The following GALNT10 variants were observed in gnomAD, a reference collection of about 807,000 sequenced individuals.
GALNT10 encodes polypeptide N-acetylgalactosaminyltransferase 10, also known as GalNAc transferase 10.
Under a neutral mutation model 75.0 loss-of-function variants are expected in GALNT10, and 41 were observed. The observed-to-expected ratio is 0.55, with a 90% confidence interval of 0.43 to 0.71. GALNT10 has a LOEUF of 0.71. GALNT10 is among the 30% of genes least tolerant of loss of function. The pLI is 0.00. For missense variants in GALNT10, 727 were observed against 818.5 expected, an observed-to-expected ratio of 0.89 and a Z score of 1.36; for synonymous variants, 302 against 313.0, an observed-to-expected ratio of 0.96 and a Z score of 0.37.
chr5:154,307,357 C>G (rs1459645373), intron 3 of GALNT10, among the ~76,000 whole-genome samples: 4 of 152,092 alleles, frequency 2.6e-5, no homozygotes, highest in Non-Finnish European at 4.4e-5. Flanking sequence ...CGCCTGTAAT[C>G]CCAGCTTTGT....
intron 1 of GALNT10, among the ~76,000 whole-genome samples, chr5:154,209,356 AG>A (rs531252837): frequency 9.2e-5 from 14 of 152,244 alleles, no homozygotes; most frequent in Non-Finnish European, 2.1e-4. Flanking sequence ...AACACGTTTA[AG>A]GGCCCAGAAC....
At chr5:154,232,309 C>T (rs1030195479) in intron 1 of GALNT10, among the ~76,000 whole-genome samples, 1 of 152,160 alleles carries the variant, frequency 6.6e-6, no homozygotes, top group Non-Finnish European at 1.5e-5. Context: ...ATTATATGTG[C>T]TTTGGTTATT....
At position 154,282,728 on chromosome 5, in the gene GALNT10, C is replaced by T. The variant is rs183237694; in HGVS notation, c.160-12088C>T. ...ATAGGATAAAGTCAATCCTCAGAAC[C>T]CTTTTATGGTATTAAATCTTTGGAC... On this transcript the variant is annotated intron_variant, in intron 1 of 11. Coordinates refer to ENST00000297107, the MANE Select transcript of GALNT10 (RefSeq NM_198321.4). Among the ~76,000 whole-genome samples the T allele has an allele frequency of 4.3e-4, 65 of 152,244 alleles. 1 individual carries two copies. In the South Asian group the frequency reaches 0.012, roughly 27 times the overall value.
At position 154,338,319 on chromosome 5, in the gene GALNT10, A is replaced by C. The variant is rs1014511395; in HGVS notation, c.568+8581A>C. ...ACCACACAATCTCTGACCATTCCCC[A>C]TTGCTCAAAATGCTCAAAAATTTGA... On this transcript the variant is annotated intron_variant, in intron 4 of 11. Transcript: ENST00000297107. 3.0e-5 allele frequency: 16 copies of C among 541,550 alleles called. No homozygotes were observed. In the East Asian group the frequency reaches 4.0e-4, roughly 14 times the overall value. The allele number at this position is 541,550 out of a possible 1,614,324, so 33.5% of individuals were successfully genotyped here. A position where few individuals can be genotyped will look rare whatever the true frequency, so the allele number is the denominator to read the frequency against.
At chr5:154,383,798 A>G (rs1755768568) in intron 6 of GALNT10, among the ~76,000 whole-genome samples, 1 of 152,258 alleles carries the variant, frequency 6.6e-6, no homozygotes, top group African/African-American at 2.4e-5. Context: ...AGGGGAGCCA[A>G]TACTAATAAC....
At chr5:154,285,112 TTGAAGTAATCACAGTGCCTTC>T (rs1754093231) in intron 1 of GALNT10, among the ~76,000 whole-genome samples, 1 of 152,178 alleles carries the variant, frequency 6.6e-6, no homozygotes, top group Non-Finnish European at 1.5e-5. Context: ...GTTTCTTTGG[TTGAAGTAATCACAGTGCCTTC>T]TGAGGTAATG....
At chr5:154,363,182 TG>T (rs1755418530) in intron 4 of GALNT10, among the ~76,000 whole-genome samples, 1 of 152,092 alleles carries the variant, frequency 6.6e-6, no homozygotes, top group Non-Finnish European at 1.5e-5. Context: ...ATAAGAAGAT[TG>T]GGATATTGGG....
intron 9 of GALNT10, among the ~76,000 whole-genome samples, chr5:154,411,874 C>T (rs1016073652): frequency 6.6e-6 from 1 of 152,160 alleles, no homozygotes; most frequent in Non-Finnish European, 1.5e-5. Flanking sequence ...CATGAGACCA[C>T]AACAGTGGTC....
At chr5:154,279,047 T>G (rs945945333) in intron 1 of GALNT10, among the ~76,000 whole-genome samples, 2 of 152,218 alleles carry the variant, frequency 1.3e-5, no homozygotes, top group African/African-American at 4.8e-5. Flanking sequence ...TGCTTTCAGT[T>G]CTTTTAGATA....
intron 7 of GALNT10, among the ~76,000 whole-genome samples, chr5:154,400,166 A>G (rs1756127762): frequency 6.6e-6 from 1 of 151,968 alleles, no homozygotes; most frequent in Non-Finnish European, 1.5e-5. Flanking sequence ...AAGTGACAAA[A>G]TCATCTTAAA....
At chr5:154,239,333 A>G (rs541739657) in intron 1 of GALNT10, among the ~76,000 whole-genome samples, 2 of 152,290 alleles carry the variant, frequency 1.3e-5, no homozygotes, top group Non-Finnish European at 2.9e-5. Context: ...CGTATAAGGC[A>G]GGGGTCCCCA....
Position 154,409,695 on chromosome 5 carries a change from C to A in GALNT10, c.1319C>A (p.Thr440Lys), listed in dbSNP as rs147745456. The A allele has an allele frequency of 6.2e-7, 1 of 1,614,118 alleles. No homozygotes were observed. The highest frequency in any genetic ancestry group is 1.1e-5 in the South Asian group (1 of 91,082). Residue 440 changes from threonine (T) to lysine (K), a missense_variant, in exon 9 of 12, where the codon ACG (threonine) becomes AAG (lysine). Transcript: ENST00000297107. This position sits in a 1 kb window ranked among gnomAD's most constrained non-coding sequence, Gnocchi z 4.5. ...TGCAAGAGTTTCAAGTGGTTTATGA[C>A]GAAGATAGCCTGGGACCTGCCCAAA... is the stretch of plus-strand genomic sequence containing the variant. ...LNCKSFKWFMTKIAWDLPKFY... is the reference protein window; with the variant it reads ...LNCKSFKWFMKKIAWDLPKFY...
At chr5:154,328,177 T>C (rs1183552316) in intron 3 of GALNT10, among the ~76,000 whole-genome samples, 1 of 152,150 alleles carries the variant, frequency 6.6e-6, no homozygotes, top group African/African-American at 2.4e-5. Context: ...TGATCCTGTA[T>C]TAAACAAACC....
chr5:154,202,286 C>T (rs1264417604), intron 1 of GALNT10, among the ~76,000 whole-genome samples: 6 of 152,210 alleles, frequency 3.9e-5, no homozygotes, highest in Non-Finnish European at 8.8e-5. Flanking sequence ...AAGAACCTTC[C>T]CTTGGAGGCT....
intron 4 of GALNT10, among the ~76,000 whole-genome samples, chr5:154,367,418 G>A (rs1261801172): frequency 6.6e-6 from 1 of 152,192 alleles, no homozygotes; most frequent in Non-Finnish European, 1.5e-5. Flanking sequence ...CGGAAACAGA[G>A]CAGCCAGGCT....
chr5:154,216,508 T>C (rs1189906765), intron 1 of GALNT10, among the ~76,000 whole-genome samples: 2 of 152,222 alleles, frequency 1.3e-5, no homozygotes, highest in African/African-American at 4.8e-5. Flanking sequence ...CTGCAAGCTG[T>C]TGTCTCCAAT....
intron 7 of GALNT10, among the ~76,000 whole-genome samples, chr5:154,389,914 A>G (rs532591756): frequency 1.3e-5 from 2 of 152,264 alleles, no homozygotes; most frequent in Middle Eastern, 3.4e-3. Flanking sequence ...TACAAAAAAA[A>G]GACACCATCA....
intron 7 of GALNT10, among the ~76,000 whole-genome samples, chr5:154,395,189 A>G (rs145253918): frequency 9.1e-4 from 138 of 152,342 alleles, no homozygotes; most frequent in African/African-American, 3.1e-3. Context: ...ACTAAATGGG[A>G]TGATATGTAT....
At chr5:154,372,727 C>T (rs1755592077) in intron 4 of GALNT10, among the ~76,000 whole-genome samples, 1 of 151,994 alleles carries the variant, frequency 6.6e-6, no homozygotes, top group Non-Finnish European at 1.5e-5. Context: ...GGCCGAGGTC[C>T]GACACATGGA....
Sources: gnomAD v4.1 joint callset for allele counts (sites outside exome capture counted in the v4.1 genomes callset) on GRCh38, gnomAD v4.1.1 for gene constraint, Gnocchi (gnomAD v3.1) non-coding constraint, MANE v1.5 for transcripts, NCBI Gene and HGNC (gene_info 2026-07-23, HGNC 2026-07-21) for gene names.